The following C22orf23 variants were observed in gnomAD, a reference collection of about 807,000 sequenced individuals.
The protein encoded by C22orf23 is chromosome 22 open reading frame 23, also known as UPF0193 protein EVG1.
Under a neutral mutation model 29.7 loss-of-function variants are expected in C22orf23, and 30 were observed. The observed-to-expected ratio is 1.01, with a 90% CI of 0.76 to 1.37. The LOEUF is 1.37. Among genes scored for constraint, C22orf23 ranks in the 40% most tolerant of loss-of-function variants. The probability of loss-of-function intolerance (pLI) is 0.00; values close to 1 mark genes in which losing one functional copy is unlikely to be tolerated. For synonymous variants in C22orf23, 90 were observed against 96.1 expected, an observed-to-expected ratio of 0.94 and a Z score of 0.37; for missense variants, 237 against 273.1, an observed-to-expected ratio of 0.87 and a Z score of 0.93.
intron 4 of C22orf23, among the ~76,000 whole-genome samples, chr22:37,945,984 C>T (rs1028562366): frequency 5.3e-5 from 8 of 151,514 alleles, no homozygotes; most frequent in Non-Finnish European, 1.2e-4. Flanking sequence ...ATGGGCCGGG[C>T]GCGGTAGCTC....
chr22:37,944,366 C>T (rs767236043), intron 6 of C22orf23, 51 bp downstream of exon 6: 3 of 1,613,442 alleles, frequency 1.9e-6, no homozygotes, highest in Non-Finnish European at 2.5e-6. Flanking sequence ...TTTCCATTCG[C>T]ACTTGGCGCT....
chr22:37,943,879 A>G lies in C22orf23; in HGVS notation c.*296T>C, dbSNP rs544617068. 264 of 454,610 alleles carry G rather than the reference A, an allele frequency of 5.8e-4. 1 individual carries two copies. The highest frequency in any genetic ancestry group is 4.8e-3 in the South Asian group (130 of 27,296). The allele number at this position is 454,610 out of a possible 1,614,324, so 28.2% of individuals were successfully genotyped here. On this transcript the variant is annotated 3_prime_UTR_variant, in exon 7 of 7. Transcript: ENST00000403305. ...TCAGAAAACTAAATGAACAGGCCAC[A>G]GGTCAGAAGTGGTGGGAAGCAGGCC...
rs760042631 is a variant in C22orf23 at position 37,947,394 on chromosome 22, G to A, written c.236C>T (p.Ala79Val). 39 of 1,613,642 alleles carry A rather than the reference G, an allele frequency of 2.4e-5. No homozygotes were observed. Among genetic ancestry groups the A allele is most frequent in the Non-Finnish European group, 3.1e-5 (37 of 1,179,890 alleles). ...SQRVLPSKQI[A>V]SPIYLPPILA... ...GATGGGAGGCAGGTAGATGGGCGAG[G>A]CTATTTGCTTGGAAGGTAAGACTCT... Residue 79 changes from alanine (A) to valine (V), a missense_variant, in exon 4 of 7, where the codon GCC (alanine) becomes GTC (valine). Transcript: ENST00000403305.
chr22:37,946,894 A>AAT, intron 4 of C22orf23, among the ~76,000 whole-genome samples: 1 of 150,214 alleles, frequency 6.7e-6, no homozygotes, highest in Non-Finnish European at 1.5e-5. Flanking sequence ...AAAAAAAAAA[A>AAT]GTTTTGTCAA....
At chr22:37,947,722 C>T (rs1930788360) in intron 3 of C22orf23, among the ~76,000 whole-genome samples, 1 of 151,318 alleles carries the variant, frequency 6.6e-6, no homozygotes, top group South Asian at 2.1e-4. Flanking sequence ...CCAGGCTGGT[C>T]TTGGACTCCT....
chr22:37,945,892 T>A (rs1930671028), intron 4 of C22orf23, among the ~76,000 whole-genome samples: 1 of 144,778 alleles, frequency 6.9e-6, no homozygotes, highest in Non-Finnish European at 1.5e-5. Flanking sequence ...GGCAGGCAAA[T>A]CATGAGGTCA....
rs997480821 is a variant in C22orf23, at chr22:37,945,981, G to A, written c.350-808C>T. On this transcript the variant is annotated intron_variant, in intron 4 of 6. Coordinates refer to ENST00000403305, the MANE Select transcript of C22orf23 (RefSeq NM_032561.5). ...ACAAAAAATTAGCTGGGCATGGGCC[G>A]GGCGCGGTAGCTCATGCCTGTAATC... Among the ~76,000 whole-genome samples, 16 of 151,746 alleles carry A rather than the reference G, an allele frequency of 1.1e-4. No homozygotes were observed. In the South Asian group the frequency reaches 1.5e-3, roughly 14 times the overall value.
rs1275058734 is a variant in C22orf23 at position 37,943,956 on chromosome 22, C to A, written c.*219G>T. The stretch of plus-strand genomic sequence containing the variant: ...TAGTAGGGATGCTCGGGCTTTGCTT[C>A]TCTGCGGACGGGGCTGTGAGTCTCA... On this transcript the variant is annotated 3_prime_UTR_variant, in exon 7 of 7. Transcript: ENST00000403305. 3 of 601,466 alleles carry A rather than the reference C, an allele frequency of 5.0e-6. No individual in the cohort carries two copies. The highest frequency in any genetic ancestry group is 8.9e-6 in the Non-Finnish European group (3 of 337,166). The allele number at this position is 601,466 out of a possible 1,614,324, so 37.3% of individuals were successfully genotyped here.
In C22orf23 at chr22:37,944,153, C is replaced by G. The variant is rs1376882622; in HGVS notation, c.*22G>C. 3 of 1,609,426 alleles carry G rather than the reference C, an allele frequency of 1.9e-6. No individual in the cohort carries two copies. The highest frequency in any genetic ancestry group is 2.2e-5 in the East Asian group (1 of 44,882). On this transcript the variant is annotated 3_prime_UTR_variant, in exon 7 of 7. Coordinates refer to ENST00000403305, the MANE Select transcript of C22orf23 (RefSeq NM_032561.5). Reference sequence around the variant, plus strand: ...ACTCCAGTGGTCGAGCTTGGGCTACCCTGCCCGTCTCTGGAGACAGATTAA... The same window carrying G: ...ACTCCAGTGGTCGAGCTTGGGCTACGCTGCCCGTCTCTGGAGACAGATTAA...
chr22:37,944,153 C>T lies in C22orf23; in HGVS notation c.*22G>A, dbSNP rs1376882622. ...ACTCCAGTGGTCGAGCTTGGGCTAC[C>T]CTGCCCGTCTCTGGAGACAGATTAA... On this transcript the variant is annotated 3_prime_UTR_variant, in exon 7 of 7. Coordinates refer to ENST00000403305, the MANE Select transcript of C22orf23 (RefSeq NM_032561.5). 6.2e-7 allele frequency: 1 copy of T among 1,609,544 alleles called. No homozygotes were observed. Among genetic ancestry groups the T allele is most frequent in the South Asian group, 1.1e-5 (1 of 90,984 alleles).
intron 3 of C22orf23, 37 bp from the exon 4 acceptor site, chr22:37,947,500 G>T: frequency 6.0e-6 from 5 of 829,726 alleles, no homozygotes; most frequent in Non-Finnish European, 8.4e-6. Flanking sequence ...GGACCCACAT[G>T]GCTTTTTTTT....
At position 37,944,446 on chromosome 22, in the gene C22orf23, G is replaced by A. The variant is rs201945163; in HGVS notation, c.553C>T (p.Arg185Ter). The change falls in exon 6 of 7, where the codon CGA becomes TGA. Residue 185 changes from arginine (R) to a stop codon, truncating the protein, a stop_gained. Transcript: ENST00000403305. LOFTEE classifies it high-confidence loss of function. ...MEALGQGKQY[R>*]GIILAEISQK... Reference sequence around the variant, plus strand: ...GAGATTTCAGCAAGGATGATTCCTCGGTACTGTTTGCCCTGTCCCAGGGCC... The same window carrying A: ...GAGATTTCAGCAAGGATGATTCCTCAGTACTGTTTGCCCTGTCCCAGGGCC... 6.2e-6 allele frequency: 10 copies of A among 1,613,978 alleles called. No individual in the cohort carries two copies. Among genetic ancestry groups the A allele is most frequent in the Middle Eastern group, 1.7e-4 (1 of 6,052 alleles).
At chr22:37,950,369 C>T (rs1166776425) in intron 3 of C22orf23, among the ~76,000 whole-genome samples, 2 of 152,046 alleles carry the variant, frequency 1.3e-5, no homozygotes, top group South Asian at 4.1e-4. Context: ...GCCTCAGCCT[C>T]CCAAAGTGCT....
At chr22:37,944,767 C>T (rs985687580) in intron 5 of C22orf23, 11 of 562,362 alleles carry the variant, frequency 2.0e-5, no homozygotes, top group Middle Eastern at 4.7e-4. Flanking sequence ...GGCATGGTGG[C>T]GGGCGCTGGT....
intron 5 of C22orf23, 56 bp from the exon 6 acceptor site, chr22:37,944,573 C>CTGCA: frequency 6.7e-7 from 1 of 1,483,564 alleles, no homozygotes; most frequent in Non-Finnish European, 9.4e-7. Flanking sequence ...AGCGGGTTGC[C>CTGCA]TCTCTTGAGG....
intron 3 of C22orf23, among the ~76,000 whole-genome samples, chr22:37,950,077 G>A (rs1012292535): frequency 6.6e-6 from 1 of 151,922 alleles, no homozygotes; most frequent in Non-Finnish European, 1.5e-5. Flanking sequence ...TAGGATTATA[G>A]GTATAAGCCA....
At chr22:37,947,136 T>A (rs139860) in intron 4 of C22orf23, 145 bp downstream of exon 4, 1 of 776,504 alleles carries the variant, frequency 1.3e-6, no homozygotes, top group East Asian at 2.8e-5. Context: ...TAAGCCAACA[T>A]GTGCTGAGGC....
At position 37,944,864 on chromosome 22, in the gene C22orf23, C is replaced by T. The variant is rs916598575; in HGVS notation, c.481+178G>A. 7 of 696,534 alleles carry T rather than the reference C, an allele frequency of 1.0e-5. No homozygotes were observed. The South Asian group carries it at 1.4e-4, about 14-fold the overall frequency. The allele number at this position is 696,534 out of a possible 1,614,324, so 43.1% of individuals were successfully genotyped here. On this transcript the variant is annotated intron_variant, in intron 5 of 6. Transcript: ENST00000403305. ...GCAGTGAGCCCAGATCACGCCACTG[C>T]ACTCTAGCCTGGGCAATAAGAGCAA...
chr22:37,949,452 T>A (rs1930889902), intron 3 of C22orf23, among the ~76,000 whole-genome samples: 2 of 28,096 alleles, frequency 7.1e-5, no homozygotes, highest in Non-Finnish European at 8.2e-5. Flanking sequence ...CTGGCTAATT[T>A]TTTTTTTTTT....
Sources: allele counts gnomAD v4.1 joint callset (sites outside exome capture counted in the v4.1 genomes callset), GRCh38; gene constraint gnomAD v4.1.1; transcripts MANE v1.5; gene names NCBI Gene and HGNC (gene_info 2026-07-23, HGNC 2026-07-21).